The following VPS51 variants were observed in gnomAD, a reference collection of about 807,000 sequenced individuals.
VPS51 encodes VPS51 subunit of GARP complex.
A neutral mutation model predicts 65.1 loss-of-function variants in VPS51; 55 were observed. The observed-to-expected ratio is 0.84, with a 90% CI of 0.68 to 1.06. The LOEUF (loss-of-function observed/expected upper bound fraction) is 1.06. Ranked by LOEUF, VPS51 falls within the 50% of genes least tolerant of loss-of-function variation. The pLI is 0.00. For synonymous variants in VPS51, 473 were observed against 489.5 expected (o/e 0.97, Z 0.44); for missense variants, 943 against 1,101.6 (o/e 0.86, Z 2.04).
intron 2 of VPS51, among the ~76,000 whole-genome samples, chr11:65,105,081 T>G (rs1947832784): frequency 6.6e-6 from 1 of 152,208 alleles, no homozygotes; most frequent in African/African-American, 2.4e-5. Flanking sequence ...TGATTTCCTT[T>G]TCTGACCTCA....
At position 65,107,397 on chromosome 11, in the gene VPS51, A is replaced by C; in HGVS notation, c.359-184A>C. The C allele has an allele frequency of 1.4e-6, 1 of 697,068 alleles. No homozygotes were observed. Among genetic ancestry groups the C allele is most frequent in the Non-Finnish European group, 2.4e-6 (1 of 416,856 alleles). 43.2% of individuals were successfully genotyped at this position (697,068 alleles called of 1,614,324 possible). A position where few individuals can be genotyped will look rare whatever the true frequency, so the allele number is the denominator to read the frequency against. ...TGTGAGTAACGCCTGCTTTGGGAAC[A>C]TAAACCCCCTCCCCCGCCCCCATGT... On this transcript the variant is annotated intron_variant, in intron 2 of 9. Transcript: ENST00000279281. The surrounding 1 kb of genome is among the most constrained non-coding windows in gnomAD (Gnocchi z 4.0).
chr11:65,111,563 TGAG>T lies in VPS51; in HGVS notation c.2327_2329del (p.Glu776del). ...CTGTGCCCATGGAGCCCAGTGTGGT[TGAG>T]GTCATCTGCGAGCGCGGCTAGGCGC... On this transcript the variant is annotated inframe_deletion, in exon 10 of 10. Transcript: ENST00000279281. 6.2e-7 allele frequency: 1 copy of T among 1,609,844 alleles called. No homozygotes were observed. The highest frequency in any genetic ancestry group is 8.5e-7 in the Non-Finnish European group (1 of 1,179,758).
intron 1 of VPS51, 40 bp downstream of exon 1, chr11:65,096,518 G>GGGTGGGGGGTGGGGGC: frequency 2.0e-6 from 1 of 499,408 alleles, no homozygotes; most frequent in Non-Finnish European, 3.7e-6. Context: ...GGGGAGGGGG[G>GGGTGGGGGGTGGGGGC]AAGGGAACCA....
At chr11:65,110,153 G>T in intron 7 of VPS51, 2 of 624,544 alleles carry the variant, frequency 3.2e-6, no homozygotes, top group Non-Finnish European at 5.6e-6. Flanking sequence ...CTATGTCCAC[G>T]GTCTTGTTCC....
At chr11:65,102,291 G>A (rs987547087) in intron 2 of VPS51, among the ~76,000 whole-genome samples, 2 of 152,174 alleles carry the variant, frequency 1.3e-5, no homozygotes, top group Admixed American at 1.3e-4. Context: ...ACAGGCGTGA[G>A]CCACTGTGCC....
chr11:65,096,959 T>G (rs1181589186), intron 1 of VPS51, 39 bp from the exon 2 acceptor site: 1 of 1,609,996 alleles, frequency 6.2e-7, no homozygotes, highest in South Asian at 1.1e-5. Flanking sequence ...GGGACATGAA[T>G]GCCTCCTGAC....
intron 2 of VPS51, among the ~76,000 whole-genome samples, chr11:65,100,123 A>T (rs1184784545): frequency 6.6e-6 from 1 of 152,156 alleles, no homozygotes; most frequent in Non-Finnish European, 1.5e-5. Context: ...ATAATAATAA[A>T]TAATAATAAA....
intron 1 of VPS51, 40 bp from the exon 2 acceptor site, chr11:65,096,956 GAA>G: frequency 6.2e-7 from 1 of 1,609,736 alleles, no homozygotes; most frequent in Non-Finnish European, 8.5e-7. Flanking sequence ...TGGGGGACAT[GAA>G]TGCCTCCTGA....
chr11:65,099,794 C>T (rs1320715236), intron 2 of VPS51, among the ~76,000 whole-genome samples: 1 of 151,906 alleles, frequency 6.6e-6, no homozygotes, highest in Non-Finnish European at 1.5e-5. Flanking sequence ...AAGACCTAGT[C>T]TCAAAAAATA....
rs747473650 is a variant in VPS51, at chr11:65,107,739, C to T, written c.505+12C>T. The T allele has an allele frequency of 1.9e-6, 3 of 1,605,762 alleles. No individual in the cohort carries two copies. Among genetic ancestry groups the T allele is most frequent in the South Asian group, 1.1e-5 (1 of 90,934 alleles). ...CACCAAGCTGGCAGGTGGGCGCTGCCGGGCAGGGCCTGCAGTGGGCCTTTC... is the reference window on the plus strand; with the variant it reads ...CACCAAGCTGGCAGGTGGGCGCTGCTGGGCAGGGCCTGCAGTGGGCCTTTC... On this transcript the variant is annotated intron_variant, in intron 3 of 9. Coordinates refer to ENST00000279281, the MANE Select transcript of VPS51 (RefSeq NM_013265.4). This position sits in a 1 kb window ranked among gnomAD's most constrained non-coding sequence, Gnocchi z 4.0.
intron 2 of VPS51, among the ~76,000 whole-genome samples, chr11:65,101,092 T>G (rs1006531868): frequency 1.3e-5 from 2 of 152,176 alleles, no homozygotes; most frequent in Admixed American, 1.3e-4. Context: ...GAAACTAGAT[T>G]AATGGTTGCC....
rs1253780962 is a variant in VPS51 at position 65,104,359 on chromosome 11, A to G, written c.359-3222A>G. 2.6e-5 allele frequency among the ~76,000 whole-genome samples: 4 copies of G among 152,346 alleles called. No individual in the cohort carries two copies. In the East Asian group the frequency reaches 7.7e-4, roughly 29 times the overall value. ...CCAGAACAATGTAGATAACATTGGC[A>G]ATCAAGGTTGTCCTTGCCATGTTTT... On this transcript the variant is annotated intron_variant, in intron 2 of 9. Transcript: ENST00000279281.
intron 2 of VPS51, among the ~76,000 whole-genome samples, chr11:65,106,447 C>T (rs1947841982): frequency 6.6e-6 from 1 of 152,138 alleles, no homozygotes; most frequent in African/African-American, 2.4e-5. Flanking sequence ...GCAGGGAGAG[C>T]CCCTTATAAA....
chr11:65,110,664 G>T, intron 8 of VPS51, 30 bp from the exon 9 acceptor site: 1 of 1,614,158 alleles, frequency 6.2e-7, no homozygotes, highest in Non-Finnish European at 8.5e-7. Context: ...GTGCAGGGCG[G>T]GCTCTGATTC....
At chr11:65,097,904 G>A (rs530946849) in intron 2 of VPS51, among the ~76,000 whole-genome samples, 3 of 147,974 alleles carry the variant, frequency 2.0e-5, no homozygotes, top group African/African-American at 5.0e-5. Context: ...ACACTAGGCT[G>A]GGCACAGTGG....
In VPS51 at chr11:65,109,792, C is replaced by G. The variant is rs747602510; in HGVS notation, c.1747C>G (p.Gln583Glu). Residue 583 changes from glutamine (Q) to glutamate (E), a missense_variant, in exon 7 of 10, where the codon CAG becomes GAG. This residue lies in a region of VPS51 where 855 missense variants were observed against 953.7 expected (regional missense o/e 0.90). Transcript: ENST00000279281. ...RRLLTHYVKV[Q>E]GLVISQMLRK... ...GCTGCTGACCCACTACGTGAAGGTG[C>G]AGGGCCTGGTCATATCACAGATGCT... The G allele has an allele frequency of 1.9e-6, 3 of 1,607,450 alleles. No homozygotes were observed. Among genetic ancestry groups the G allele is most frequent in the Non-Finnish European group, 2.5e-6 (3 of 1,177,768 alleles).
chr11:65,107,715 A>G lies in VPS51; in HGVS notation c.493A>G (p.Thr165Ala). Residue 165 changes from threonine (T) to alanine (A), a missense_variant, in exon 3 of 10, where the codon ACC (threonine) becomes GCC (alanine). Coordinates refer to ENST00000279281, the MANE Select transcript of VPS51 (RefSeq NM_013265.4). The surrounding 1 kb of genome is among the most constrained non-coding windows in gnomAD (Gnocchi z 4.0). ...GCTGCAGGACCGCCACGAGCGCATC[A>G]CCAAGCTGGCAGGTGGGCGCTGCCG... ...ATLQDRHERI[T>A]KLAGVHALLR... 1.2e-6 allele frequency: 2 copies of G among 1,608,490 alleles called. No homozygotes were observed. The highest frequency in any genetic ancestry group is 2.2e-5 in the South Asian group (2 of 90,996).
At chr11:65,098,936 C>T (rs111815231) in intron 2 of VPS51, among the ~76,000 whole-genome samples, 2,802 of 152,240 alleles carry the variant, frequency 0.018, 95 homozygotes, top group African/African-American at 0.063. Context: ...ACCCGTGATC[C>T]CAGCACTTTG....
intron 2 of VPS51, among the ~76,000 whole-genome samples, chr11:65,104,136 C>A (rs1401037976): frequency 1.3e-5 from 2 of 152,154 alleles, no homozygotes; most frequent in Non-Finnish European, 2.9e-5. Flanking sequence ...ACCATGTTGG[C>A]CAGGCTGGTC....
Sources: gnomAD v4.1 joint callset for allele counts (sites outside exome capture counted in the v4.1 genomes callset) on GRCh38, gnomAD v4.1.1 for gene constraint, gnomAD v4.1.1 regional missense constraint, Gnocchi (gnomAD v3.1) non-coding constraint, MANE v1.5 for transcripts, NCBI Gene and HGNC (gene_info 2026-07-23, HGNC 2026-07-21) for gene names.